The following GNAZ variants were observed in gnomAD, a reference collection of about 807,000 sequenced individuals.
GNAZ encodes G protein subunit alpha z.
Under a neutral mutation model 25.4 loss-of-function variants are expected in GNAZ, and 3 were observed. The observed-to-expected ratio is 0.12, with a 90% CI of 0.05 to 0.30. The LOEUF (loss-of-function observed/expected upper bound fraction) is 0.30, where lower values mean the gene tolerates loss of function less well. Among genes scored for constraint, GNAZ ranks in the 10% least tolerant of loss-of-function variants. The pLI is 1.00. For synonymous variants in GNAZ, 211 were observed against 205.7 expected, an observed-to-expected ratio of 1.03 and a Z score of -0.22; for missense variants, 241 against 501.8, an observed-to-expected ratio of 0.48 and a Z score of 4.97.
At chr22:23,107,336 C>T (rs1237485849) in intron 2 of GNAZ, among the ~76,000 whole-genome samples, 2 of 152,148 alleles carry the variant, frequency 1.3e-5, no homozygotes, top group East Asian at 3.9e-4. Flanking sequence ...AAAATGGGCC[C>T]CTCCCAAGCT....
intron 2 of GNAZ, among the ~76,000 whole-genome samples, chr22:23,107,436 A>G (rs1229033589): frequency 1.3e-5 from 2 of 152,104 alleles, no homozygotes; most frequent in African/African-American, 2.4e-5. Flanking sequence ...CCCAGGGAAA[A>G]GTCGAGGGCC....
chr22:23,117,937 C>T (rs1346643252), intron 2 of GNAZ, among the ~76,000 whole-genome samples: 11 of 152,186 alleles, frequency 7.2e-5, no homozygotes, highest in African/African-American at 2.2e-4. Context: ...TTGCCCCGGC[C>T]GCTGACCTGG....
chr22:23,122,708 G>A (rs537374810), intron 2 of GNAZ: 205 of 265,634 alleles, frequency 7.7e-4, no homozygotes, highest in Non-Finnish European at 1.0e-3. Context: ...TACAGGTGTG[G>A]GGCAGCCTGT....
At chr22:23,088,243 G>C (rs1396527794) in intron 1 of GNAZ, among the ~76,000 whole-genome samples, 1 of 152,222 alleles carries the variant, frequency 6.6e-6, no homozygotes, top group Non-Finnish European at 1.5e-5. Flanking sequence ...CCAAAATGTG[G>C]GTTCAGGGTA....
chr22:23,110,964 G>A (rs1464135594), intron 2 of GNAZ, among the ~76,000 whole-genome samples: 3 of 152,218 alleles, frequency 2.0e-5, no homozygotes, highest in South Asian at 2.1e-4. Flanking sequence ...GGTCAGCGAC[G>A]ATTCCATCTA....
At chr22:23,120,586 C>T (rs2069988785) in intron 2 of GNAZ, among the ~76,000 whole-genome samples, 2 of 152,168 alleles carry the variant, frequency 1.3e-5, no homozygotes, top group African/African-American at 4.8e-5. Flanking sequence ...TTAAAACCAT[C>T]TCAACTGTCA....
At chr22:23,085,327 A>G (rs1292309902) in intron 1 of GNAZ, among the ~76,000 whole-genome samples, 2 of 152,160 alleles carry the variant, frequency 1.3e-5, no homozygotes, top group African/African-American at 4.8e-5. Context: ...GCTCCTTGAC[A>G]CACAGACTCA....
chr22:23,101,939 C>T (rs1174407733), intron 2 of GNAZ, among the ~76,000 whole-genome samples: 1 of 152,228 alleles, frequency 6.6e-6, no homozygotes, highest in Non-Finnish European at 1.5e-5. Flanking sequence ...CCCCAGCCCG[C>T]ATCCCTCTCT....
intron 1 of GNAZ, among the ~76,000 whole-genome samples, chr22:23,084,928 G>C (rs1281874574): frequency 6.6e-6 from 1 of 152,210 alleles, no homozygotes; most frequent in Non-Finnish European, 1.5e-5. Context: ...GCACGTCCAG[G>C]TGCCATTGCA....
chr22:23,101,124 C>A (rs1374903820), intron 2 of GNAZ, among the ~76,000 whole-genome samples: 1 of 152,134 alleles, frequency 6.6e-6, no homozygotes, highest in East Asian at 1.9e-4. Context: ...ACAGATGATA[C>A]CCTCTCCCCA....
At chr22:23,110,327 A>C (rs547685584) in intron 2 of GNAZ, among the ~76,000 whole-genome samples, 3 of 152,276 alleles carry the variant, frequency 2.0e-5, no homozygotes, top group African/African-American at 7.2e-5. Context: ...GGAGGGCATC[A>C]CGGCAGCCCC....
At chr22:23,104,899 A>G (rs1156502586) in intron 2 of GNAZ, among the ~76,000 whole-genome samples, 1 of 152,196 alleles carries the variant, frequency 6.6e-6, no homozygotes, top group Non-Finnish European at 1.5e-5. Context: ...GGCCCTGGGC[A>G]TCTCAGGGGG....
intron 2 of GNAZ, among the ~76,000 whole-genome samples, chr22:23,116,383 C>A (rs1339009569): frequency 6.6e-6 from 1 of 152,232 alleles, no homozygotes; most frequent in African/African-American, 2.4e-5. Flanking sequence ...CGTGGCTACG[C>A]GCCTGTGACA....
At chr22:23,115,546 G>C (rs929158377) in intron 2 of GNAZ, among the ~76,000 whole-genome samples, 1 of 152,156 alleles carries the variant, frequency 6.6e-6, no homozygotes, top group Non-Finnish European at 1.5e-5. Context: ...GGGGAGCGAG[G>C]AGGAGGCCCA....
intron 1 of GNAZ, among the ~76,000 whole-genome samples, chr22:23,085,138 C>T (rs1241342223): frequency 1.3e-5 from 2 of 152,214 alleles, no homozygotes; most frequent in African/African-American, 4.8e-5. Context: ...CCAGGCTAAG[C>T]CCGTCTGCTG....
intron 2 of GNAZ, among the ~76,000 whole-genome samples, chr22:23,100,657 C>G (rs879798450): frequency 6.6e-6 from 1 of 152,220 alleles, no homozygotes; most frequent in Admixed American, 6.5e-5. Flanking sequence ...AGGTCCACAC[C>G]CACCCGGCAC....
Position 23,076,602 on chromosome 22 carries a change from A to G in GNAZ, c.-450+6032A>G, listed in dbSNP as rs531243626. Reference sequence around the variant, plus strand: ...CAACTGTGGGTTACTCTCAAGCCAGAGGCAGGTGGACAGATGCCTCGGGCT... The same window carrying G: ...CAACTGTGGGTTACTCTCAAGCCAGGGGCAGGTGGACAGATGCCTCGGGCT... On this transcript the variant is annotated intron_variant, in intron 1 of 2. Transcript: ENST00000615612. Among the ~76,000 whole-genome samples the G allele has an allele frequency of 1.2e-4, 19 of 152,356 alleles. No homozygotes were observed. The East Asian group carries it at 2.7e-3, about 22-fold the overall frequency.
At chr22:23,080,577 C>T (rs1157793557) in intron 1 of GNAZ, among the ~76,000 whole-genome samples, 4 of 152,180 alleles carry the variant, frequency 2.6e-5, no homozygotes, top group Admixed American at 1.3e-4. Context: ...AGACCCGTTG[C>T]GGATCTGCAG....
At chr22:23,088,324 C>T (rs1326637329) in intron 1 of GNAZ, among the ~76,000 whole-genome samples, 1 of 152,146 alleles carries the variant, frequency 6.6e-6, no homozygotes, top group Non-Finnish European at 1.5e-5. Flanking sequence ...TGGAGCCTTA[C>T]CCACTCTGCC....
Sources: allele counts gnomAD v4.1 joint callset (sites outside exome capture counted in the v4.1 genomes callset), GRCh38; gene constraint gnomAD v4.1.1; transcripts MANE v1.5; gene names NCBI Gene and HGNC (gene_info 2026-07-23, HGNC 2026-07-21).